The following AASS variants were observed in gnomAD, a reference collection of about 807,000 sequenced individuals.
AASS encodes the protein alpha-aminoadipic semialdehyde synthase, mitochondrial.
Under a neutral mutation model 105.4 loss-of-function variants are expected in AASS, and 86 were observed. That is an observed-to-expected ratio of 0.82 (90% CI 0.69 to 0.98). AASS has a LOEUF of 0.98. Among genes scored for constraint, AASS ranks in the 50% least tolerant of loss-of-function variants. AASS has a pLI of 0.00. For missense variants in AASS, 1,048 were observed against 1,143.2 expected (o/e 0.92, Z 1.20); for synonymous variants, 381 against 394.8 (o/e 0.96, Z 0.41).
intron 4 of AASS, among the ~76,000 whole-genome samples, chr7:122,125,369 C>T (rs770990668): frequency 5.3e-5 from 8 of 152,014 alleles, no homozygotes; most frequent in Admixed American, 1.3e-4. Flanking sequence ...TCCCTGGTGC[C>T]GTAAAGAAAC....
At position 122,122,317 on chromosome 7, in the gene AASS, GA is replaced by G. The variant is rs535772258; in HGVS notation, c.473-3688del. Among the ~76,000 whole-genome samples, 7 of 149,380 alleles carry G rather than the reference GA, an allele frequency of 4.7e-5. No homozygotes were observed. The South Asian group carries it at 6.3e-4, about 13-fold the overall frequency. On this transcript the variant is annotated intron_variant, in intron 4 of 23. Coordinates refer to ENST00000417368, the MANE Select transcript of AASS (RefSeq NM_005763.4). Reference sequence around the variant, plus strand: ...GAGCATAAAGAGAGAAAAAGACTGAGAAAAAAAAACAGAATTTAAGTGACAG... The same window carrying G: ...GAGCATAAAGAGAGAAAAAGACTGAGAAAAAAAACAGAATTTAAGTGACAG...
intron 1 of AASS, among the ~76,000 whole-genome samples, chr7:122,137,426 C>T (rs1796198051): frequency 6.6e-6 from 1 of 152,174 alleles, no homozygotes; most frequent in South Asian, 2.1e-4. Flanking sequence ...ATCCATATGG[C>T]TTTGCCTTCA....
At chr7:122,100,035 A>G (rs914167182) in intron 13 of AASS, among the ~76,000 whole-genome samples, 2 of 151,870 alleles carry the variant, frequency 1.3e-5, no homozygotes, top group Non-Finnish European at 2.9e-5. Flanking sequence ...GTACCCCCAA[A>G]CCCCAGACTC....
At chr7:122,139,482 C>A (rs1796291249) in intron 1 of AASS, among the ~76,000 whole-genome samples, 1 of 151,686 alleles carries the variant, frequency 6.6e-6, no homozygotes, top group African/African-American at 2.4e-5. Context: ...ATAGTGAGGC[C>A]CATAGAAATA....
intron 4 of AASS, among the ~76,000 whole-genome samples, chr7:122,125,464 A>C (rs1191556518): frequency 6.6e-6 from 1 of 152,196 alleles, no homozygotes; most frequent in African/African-American, 2.4e-5. Flanking sequence ...GTTTTGCCAC[A>C]AGAATACACC....
intron 11 of AASS, among the ~76,000 whole-genome samples, chr7:122,107,079 C>T (rs1376363664): frequency 6.6e-6 from 1 of 152,080 alleles, no homozygotes; most frequent in Non-Finnish European, 1.5e-5. Context: ...GGGCAAAGGA[C>T]ATGAACAGAC....
intron 18 of AASS, among the ~76,000 whole-genome samples, chr7:122,086,518 T>C (rs1234501842): frequency 6.6e-6 from 1 of 151,318 alleles, no homozygotes; most frequent in South Asian, 2.1e-4. Context: ...AGAAAAAAAA[T>C]TTAAAATAAA....
Position 122,113,381 on chromosome 7 carries a change from A to G in AASS, c.1167-152T>C. 4.1e-6 allele frequency: 4 copies of G among 981,078 alleles called. No homozygotes were observed. The South Asian group carries it at 6.0e-5, about 15-fold the overall frequency. The allele number at this position is 981,078 out of a possible 1,614,324, so 60.8% of individuals were successfully genotyped here. A position where few individuals can be genotyped will look rare whatever the true frequency, so the allele number is the denominator to read the frequency against. On this transcript the variant is annotated intron_variant, in intron 10 of 23. Transcript: ENST00000417368. ...AAATAAACAAAACTTTTCAAACAAA[A>G]CGTTTTCCTTCTTCAGCAACCCATC...
At chr7:122,107,012 C>A (rs1235883345) in intron 11 of AASS, among the ~76,000 whole-genome samples, 1 of 152,034 alleles carries the variant, frequency 6.6e-6, no homozygotes, top group Non-Finnish European at 1.5e-5. Flanking sequence ...AGTCTAATAT[C>A]TAGCTTCTAT....
intron 4 of AASS, among the ~76,000 whole-genome samples, chr7:122,124,549 C>T (rs1017994302): frequency 5.3e-5 from 8 of 152,206 alleles, no homozygotes; most frequent in African/African-American, 7.2e-5. Flanking sequence ...TCCCGAAGTG[C>T]TGGGATTACA....
chr7:122,091,639 T>A (rs1793903401), intron 18 of AASS, 64 bp downstream of exon 18: 1 of 1,611,098 alleles, frequency 6.2e-7, no homozygotes, highest in Non-Finnish European at 8.5e-7. Flanking sequence ...GATCAGGGAG[T>A]ATTTAGACTG....
At chr7:122,077,551 C>T (rs538295815) in intron 23 of AASS, among the ~76,000 whole-genome samples, 7 of 152,278 alleles carry the variant, frequency 4.6e-5, no homozygotes, top group African/African-American at 1.2e-4. Flanking sequence ...TGGCAATACC[C>T]ACTTTAAATA....
intron 4 of AASS, among the ~76,000 whole-genome samples, chr7:122,121,354 C>A (rs1795432973): frequency 6.6e-6 from 1 of 152,140 alleles, no homozygotes; most frequent in Non-Finnish European, 1.5e-5. Flanking sequence ...ATGAATATCA[C>A]AATACATTGT....
intron 11 of AASS, among the ~76,000 whole-genome samples, chr7:122,110,149 A>G (rs1794864995): frequency 6.6e-6 from 1 of 151,976 alleles, no homozygotes; most frequent in South Asian, 2.1e-4. Flanking sequence ...AAGATTATAA[A>G]TTAAGAAAAC....
chr7:122,105,993 G>C (rs1794648287), intron 11 of AASS, among the ~76,000 whole-genome samples: 1 of 152,022 alleles, frequency 6.6e-6, no homozygotes, highest in Non-Finnish European at 1.5e-5. Context: ...AAGGAGAAAA[G>C]ACTCAAATGA....
At chr7:122,101,709 T>G in intron 11 of AASS, 29 bp from the exon 12 acceptor site, 1 of 1,548,388 alleles carries the variant, frequency 6.5e-7, no homozygotes, top group Non-Finnish European at 8.9e-7. Flanking sequence ...TTGTAAGAGA[T>G]AAATGACACT....
intron 4 of AASS, 118 bp from the exon 5 acceptor site, chr7:122,118,748 T>C (rs1045334565): frequency 9.9e-7 from 1 of 1,011,922 alleles, no homozygotes; most frequent in Non-Finnish European, 1.5e-6. Flanking sequence ...GCATCTCAGA[T>C]TTAGAAGAGG....
At chr7:122,117,208 C>T (rs897830658) in intron 6 of AASS, among the ~76,000 whole-genome samples, 3 of 151,946 alleles carry the variant, frequency 2.0e-5, no homozygotes, top group Non-Finnish European at 2.9e-5. Flanking sequence ...CTCAGAGTAT[C>T]GATAAGAGTG....
intron 19 of AASS, chr7:122,081,875 A>G (rs781181917): frequency 6.8e-5 from 26 of 382,270 alleles, no homozygotes; most frequent in Middle Eastern, 7.8e-4. Flanking sequence ...CTACTGGTTT[A>G]CATAAAAGAC....
Sources: allele counts gnomAD v4.1 joint callset (sites outside exome capture counted in the v4.1 genomes callset), GRCh38; gene constraint gnomAD v4.1.1; transcripts MANE v1.5; gene names NCBI Gene and HGNC (gene_info 2026-07-23, HGNC 2026-07-21).